MCMBP: variants seen among roughly 807,000 people sequenced by gnomAD.
MCMBP encodes mini-chromosome maintenance complex-binding protein.
A neutral mutation model predicts 81.3 loss-of-function variants in MCMBP; 31 were observed. The ratio of observed to expected loss-of-function variants is 0.38; its 90% CI spans 0.29 to 0.51. MCMBP has a LOEUF of 0.51. Ranked by LOEUF, MCMBP falls within the 20% of genes least tolerant of loss-of-function variation. MCMBP has a pLI of 0.87. For synonymous variants in MCMBP, 267 were observed against 275.9 expected, an observed-to-expected ratio of 0.97 and a Z score of 0.32; for missense variants, 645 against 772.1, an observed-to-expected ratio of 0.84 and a Z score of 1.95.
chr10:119,831,645 G>C (rs775812601), intron 15 of MCMBP, 45 bp from the exon 16 acceptor site: 3 of 1,594,678 alleles, frequency 1.9e-6, no homozygotes, highest in Admixed American at 1.8e-5. Flanking sequence ...AGCTGGGATA[G>C]TAAGTTTTAA....
At chr10:119,856,785 GA>G (rs1853061736) in intron 5 of MCMBP, among the ~76,000 whole-genome samples, 1 of 152,142 alleles carries the variant, frequency 6.6e-6, no homozygotes. Flanking sequence ...ATTCCAATTT[GA>G]AACTATTTTT....
chr10:119,841,735 C>T (rs541777800), intron 10 of MCMBP, among the ~76,000 whole-genome samples: 16 of 152,326 alleles, frequency 1.1e-4, no homozygotes, highest in Non-Finnish European at 2.2e-4. Flanking sequence ...TTGTCAAAGG[C>T]CCACACTAGT....
intron 9 of MCMBP, 67 bp downstream of exon 9, chr10:119,843,187 A>C: frequency 6.4e-7 from 1 of 1,567,700 alleles, no homozygotes; most frequent in Non-Finnish European, 8.8e-7. Flanking sequence ...TGAGCACGTT[A>C]CAGGCAGCTC....
At chr10:119,835,395 G>T (rs1852203243) in intron 14 of MCMBP, 145 bp downstream of exon 14, 2 of 724,204 alleles carry the variant, frequency 2.8e-6, no homozygotes, top group South Asian at 2.0e-5. Flanking sequence ...CAAACAAAAA[G>T]ACAATAATGG....
At chr10:119,867,856 G>A (rs574850822) in intron 1 of MCMBP, among the ~76,000 whole-genome samples, 4 of 152,152 alleles carry the variant, frequency 2.6e-5, no homozygotes, top group African/African-American at 7.2e-5. Context: ...CAAGGACAGA[G>A]TGGTAGAAGA....
intron 1 of MCMBP, among the ~76,000 whole-genome samples, chr10:119,872,108 G>A (rs763661019): frequency 6.6e-6 from 1 of 152,184 alleles, no homozygotes; most frequent in East Asian, 1.9e-4. Context: ...GAAATATCCT[G>A]TGGGCTTCCC....
intron 14 of MCMBP, among the ~76,000 whole-genome samples, chr10:119,834,947 GAA>G (rs1345909648): frequency 1.3e-5 from 2 of 149,640 alleles, no homozygotes; most frequent in African/African-American, 2.5e-5. Context: ...AGGCTGAAAT[GAA>G]AAGATACTAG....
rs1853729556 is a variant in MCMBP at position 119,872,588 on chromosome 10, GC to G, written c.-5del. On this transcript the variant is annotated 5_prime_UTR_variant, in exon 1 of 16. Transcript: ENST00000369077. ...GCCAATCCTCCCCACACGGCATCTC[GC>G]CAGGGGCCGGGGCCGGCGAAGACCG... 8.5e-7 allele frequency: 1 copy of G among 1,174,976 alleles called. No homozygotes were observed. 72.8% of individuals were successfully genotyped at this position (1,174,976 alleles called of 1,614,324 possible).
At chr10:119,841,029 ATAGAAAAATTAGCT>A in intron 10 of MCMBP, 69 bp from the exon 11 acceptor site, 2 of 914,272 alleles carry the variant, frequency 2.2e-6, no homozygotes, top group Non-Finnish European at 3.5e-6. Flanking sequence ...ATAGCGAAGA[ATAGAAAAATTAGCT>A]TAATATTGTC....
chr10:119,855,038 ATTC>A (rs1216768440), intron 5 of MCMBP, among the ~76,000 whole-genome samples: 2 of 151,934 alleles, frequency 1.3e-5, no homozygotes, highest in Non-Finnish European at 2.9e-5. Context: ...AAAAAGATGA[ATTC>A]TTCTTGCTTC....
chr10:119,867,166 G>A (rs188201258), intron 1 of MCMBP, among the ~76,000 whole-genome samples: 5 of 150,928 alleles, frequency 3.3e-5, no homozygotes, highest in South Asian at 2.1e-4. Flanking sequence ...GGTGGTGGTC[G>A]CCTGTAGTCC....
Position 119,831,523 on chromosome 10 carries a change from C to G in MCMBP, c.1874G>C (p.Arg625Thr). The change falls in exon 16 of 16, where the codon AGA becomes ACA. Residue 625 changes from arginine (R) to threonine (T), a missense_variant. Coordinates refer to ENST00000369077, the MANE Select transcript of MCMBP (RefSeq NM_001256378.2). ...WLRAKQLESL[R>T]RTRLQQQKCV... ...TTTTTGCTGCTGAAGCCTCGTTCTT[C>G]TTAAAGACTCTAGCTGCTTTGCTCT... is the stretch of plus-strand genomic sequence containing the variant. 1 of 1,614,090 alleles carries G rather than the reference C, an allele frequency of 6.2e-7. No homozygotes were observed. The highest frequency in any genetic ancestry group is 1.3e-5 in the African/African-American group (1 of 75,056).
At position 119,872,602 on chromosome 10, in the gene MCMBP, C is replaced by T; in HGVS notation, c.-18G>A. ...CACGGCATCTCGCCAGGGGCCGGGG[C>T]CGGCGAAGACCGGGCGGAGGCGATC... On this transcript the variant is annotated 5_prime_UTR_variant, in exon 1 of 16. Coordinates refer to ENST00000369077, the MANE Select transcript of MCMBP (RefSeq NM_001256378.2). 1 of 1,164,290 alleles carries T rather than the reference C, an allele frequency of 8.6e-7. No homozygotes were observed. The highest frequency in any genetic ancestry group is 1.1e-6 in the Non-Finnish European group (1 of 937,854). The allele number at this position is 1,164,290 out of a possible 1,614,324, so 72.1% of individuals were successfully genotyped here.
chr10:119,860,578 C>A (rs1409633329), intron 1 of MCMBP, among the ~76,000 whole-genome samples: 1 of 152,120 alleles, frequency 6.6e-6, no homozygotes, highest in Non-Finnish European at 1.5e-5. Flanking sequence ...CCAATACTAT[C>A]CCCTCTATAG....
At chr10:119,845,190 C>T (rs3888183) in intron 8 of MCMBP, among the ~76,000 whole-genome samples, 16,492 of 152,094 alleles carry the variant, frequency 0.11, 946 homozygotes, top group South Asian at 0.17. Context: ...TATTAAGGGA[C>T]GGTTAAGCTT....
At chr10:119,856,893 G>C (rs1254707666) in intron 5 of MCMBP, among the ~76,000 whole-genome samples, 1 of 151,966 alleles carries the variant, frequency 6.6e-6, no homozygotes, top group Non-Finnish European at 1.5e-5. Flanking sequence ...TTGAGCCCAG[G>C]AGTTCAAGAC....
intron 7 of MCMBP, among the ~76,000 whole-genome samples, 188 bp downstream of exon 7, chr10:119,849,237 T>C (rs1852724844): frequency 6.6e-6 from 1 of 152,196 alleles, no homozygotes; most frequent in Non-Finnish European, 1.5e-5. Context: ...TTTACCCCAG[T>C]GAGACCATGT....
intron 1 of MCMBP, among the ~76,000 whole-genome samples, chr10:119,866,781 AG>A (rs1236547134): frequency 6.6e-6 from 1 of 152,262 alleles, no homozygotes; most frequent in East Asian, 1.9e-4. Context: ...TGAGCAACAT[AG>A]TGAAACACCA....
At chr10:119,868,600 T>C (rs1222312621) in intron 1 of MCMBP, among the ~76,000 whole-genome samples, 1 of 152,222 alleles carries the variant, frequency 6.6e-6, no homozygotes, top group African/African-American at 2.4e-5. Context: ...ATAATGCAGA[T>C]ACAGGGGCCC....
Sources: allele counts gnomAD v4.1 joint callset (sites outside exome capture counted in the v4.1 genomes callset), GRCh38; gene constraint gnomAD v4.1.1; transcripts MANE v1.5; gene names NCBI Gene and HGNC (gene_info 2026-07-23, HGNC 2026-07-21).